CAST: variants seen among roughly 807,000 people sequenced by gnomAD.
CAST encodes calpastatin.
A neutral mutation model predicts 119.6 loss-of-function variants in CAST; 76 were observed. That is an observed-to-expected ratio of 0.64 (90% CI 0.53 to 0.77). The LOEUF is 0.77. Among genes scored for constraint, CAST ranks in the 30% least tolerant of loss-of-function variants. The probability of loss-of-function intolerance (pLI) is 0.00; values close to 1 mark genes in which losing one functional copy is unlikely to be tolerated. For synonymous variants in CAST, 319 were observed against 331.6 expected (o/e 0.96, Z 0.41); for missense variants, 953 against 946.5 (o/e 1.01, Z -0.09).
chr5:96,391,083 T>A, the CAST span: 2 of 152,282 alleles, frequency 1.3e-5, no homozygotes, highest in African/African-American at 4.8e-5. Context: ...TACTTTTTGA[T>A]ATGCTCCAAT....
chr5:96,360,544 C>T, the CAST span, among the ~76,000 whole-genome samples: 1 of 152,130 alleles, frequency 6.6e-6, no homozygotes, highest in Non-Finnish European at 1.5e-5. Flanking sequence ...GATGTGGATG[C>T]TATTCCTTTC....
chr5:96,623,879 T>G (rs1400428380), intron 1 of CAST, among the ~76,000 whole-genome samples: 3 of 151,870 alleles, frequency 2.0e-5, no homozygotes, highest in African/African-American at 7.3e-5. Flanking sequence ...TTTTATTTCA[T>G]GTAGAGATGA....
chr5:96,639,529 G>A (rs1452984074), intron 1 of CAST, among the ~76,000 whole-genome samples: 1 of 152,172 alleles, frequency 6.6e-6, no homozygotes, highest in Non-Finnish European at 1.5e-5. Context: ...AAAAAGAAAG[G>A]CAGAATGAAG....
At chr5:96,638,359 T>C (rs1272065308) in intron 1 of CAST, among the ~76,000 whole-genome samples, 1 of 151,934 alleles carries the variant, frequency 6.6e-6, no homozygotes, top group Non-Finnish European at 1.5e-5. Flanking sequence ...TGAGCCAAGA[T>C]CATGCCACTG....
At chr5:96,741,788 C>T in intron 15 of CAST, 1 of 508,550 alleles carries the variant, frequency 2.0e-6, no homozygotes, top group South Asian at 2.4e-5. Flanking sequence ...ATGATTTTAG[C>T]ACAGTTGTCT....
chr5:96,233,588 C>A, the CAST span, among the ~76,000 whole-genome samples: 1 of 152,238 alleles, frequency 6.6e-6, no homozygotes, highest in South Asian at 2.1e-4. Context: ...TTTTCCATAA[C>A]TGAAATCTGG....
chr5:96,558,751 G>C (rs1746296046), intron 1 of CAST, among the ~76,000 whole-genome samples: 1 of 152,162 alleles, frequency 6.6e-6, no homozygotes, highest in Non-Finnish European at 1.5e-5. Context: ...GGACCAGATG[G>C]ATTCACAGCC....
At chr5:96,085,080 C>T in the CAST span, among the ~76,000 whole-genome samples, 92,105 of 152,002 alleles carry the variant, frequency 0.61, 28,081 homozygotes, top group Non-Finnish European at 0.64. Context: ...CTGTACTTAA[C>T]CAGGAAGTAT....
intron 1 of CAST, among the ~76,000 whole-genome samples, chr5:96,556,114 C>A (rs1003730949): frequency 1.3e-5 from 2 of 152,178 alleles, no homozygotes; most frequent in Admixed American, 1.3e-4. Flanking sequence ...TGGAGTGGAC[C>A]TCCAGAAAAC....
At chr5:96,132,309 TG>T in the CAST span, among the ~76,000 whole-genome samples, 17 of 152,168 alleles carry the variant, frequency 1.1e-4, no homozygotes, top group African/African-American at 3.9e-4. Flanking sequence ...CATGTATTTA[TG>T]GGGTATATGT....
At chr5:96,342,365 A>T in the CAST span, among the ~76,000 whole-genome samples, 1 of 152,170 alleles carries the variant, frequency 6.6e-6, no homozygotes, top group Admixed American at 6.5e-5. Flanking sequence ...CCAGCTGGGG[A>T]TTGTTAAAAC....
the CAST span, chr5:96,110,921 A>G: frequency 6.6e-6 from 1 of 152,218 alleles, no homozygotes; most frequent in Admixed American, 6.5e-5. Context: ...CACCAAGTAT[A>G]TGGATTTTCT....
the CAST span, among the ~76,000 whole-genome samples, chr5:95,994,115 C>A: frequency 6.6e-6 from 1 of 152,070 alleles, no homozygotes; most frequent in East Asian, 1.9e-4. Context: ...TTGATACTGT[C>A]CATAGTAAGC....
At chr5:96,342,498 G>T in the CAST span, among the ~76,000 whole-genome samples, 1 of 152,184 alleles carries the variant, frequency 6.6e-6, no homozygotes, top group East Asian at 1.9e-4. Flanking sequence ...CACTCTTGGA[G>T]AACCACTGTC....
chr5:96,363,352 T>A, the CAST span, among the ~76,000 whole-genome samples: 2 of 149,852 alleles, frequency 1.3e-5, no homozygotes, highest in Admixed American at 1.3e-4. Flanking sequence ...TTTAAAGTAG[T>A]TTTTTCCAAT....
At chr5:96,297,234 G>C in the CAST span, among the ~76,000 whole-genome samples, 3 of 152,206 alleles carry the variant, frequency 2.0e-5, no homozygotes, top group Non-Finnish European at 4.4e-5. Context: ...ATATGACTGA[G>C]TGGTTGTCCT....
At chr5:96,722,880 C>G (rs187214003) in intron 4 of CAST, among the ~76,000 whole-genome samples, 182 bp downstream of exon 4, 162 of 152,212 alleles carry the variant, frequency 1.1e-3, no homozygotes, top group Admixed American at 1.8e-3. Flanking sequence ...CAATATTTAC[C>G]TTACACATCA....
the CAST span, among the ~76,000 whole-genome samples, chr5:96,280,811 A>C: frequency 2.0e-5 from 3 of 151,856 alleles, no homozygotes; most frequent in African/African-American, 7.3e-5. Context: ...TCACACTAAC[A>C]CTAAGCCCCT....
At chr5:96,388,739 C>T in the CAST span, among the ~76,000 whole-genome samples, 2 of 152,234 alleles carry the variant, frequency 1.3e-5, no homozygotes, top group South Asian at 2.1e-4. Context: ...CCTTTGTACA[C>T]GTGCATGTAT....
Sources: gnomAD v4.1 joint callset for allele counts (sites outside exome capture counted in the v4.1 genomes callset) on GRCh38, gnomAD v4.1.1 for gene constraint, MANE v1.5 for transcripts, NCBI Gene and HGNC (gene_info 2026-07-23, HGNC 2026-07-21) for gene names.